The following MCTP1 variants were observed in gnomAD, a reference collection of about 807,000 sequenced individuals.
The protein encoded by MCTP1 is multiple C2 and transmembrane domain containing 1.
MCTP1 carries 69 observed loss-of-function variants against 120.6 expected under a neutral mutation model. The ratio of observed to expected loss-of-function variants is 0.57; its 90% CI spans 0.47 to 0.70. The LOEUF (loss-of-function observed/expected upper bound fraction) is 0.70. Ranked by LOEUF, MCTP1 falls within the 30% of genes least tolerant of loss-of-function variation. The pLI is 0.00. For synonymous variants in MCTP1, 529 were observed against 493.1 expected (o/e 1.07, Z -0.96); for missense variants, 1,203 against 1,248.8 (o/e 0.96, Z 0.55).
intron 1 of MCTP1, among the ~76,000 whole-genome samples, chr5:95,125,914 T>C (rs2152416322): frequency 6.6e-6 from 1 of 152,334 alleles, no homozygotes; most frequent in South Asian, 2.1e-4. Context: ...CTTCTTCAAC[T>C]TCTCTTCAAA....
chr5:95,176,872 AT>A (rs199555551), intron 1 of MCTP1, among the ~76,000 whole-genome samples: 22 of 148,590 alleles, frequency 1.5e-4, no homozygotes, highest in Admixed American at 6.1e-4. Flanking sequence ...ATATACCTAC[AT>A]TTTTTTTTTG....
chr5:95,223,933 T>C (rs754559879), intron 1 of MCTP1, among the ~76,000 whole-genome samples: 60 of 152,362 alleles, frequency 3.9e-4, no homozygotes, highest in African/African-American at 7.2e-4. Flanking sequence ...TCAGCTCAAA[T>C]AGAAACATTT....
At chr5:94,889,773 C>A (rs1043121303) in intron 11 of MCTP1, among the ~76,000 whole-genome samples, 3 of 151,714 alleles carry the variant, frequency 2.0e-5, no homozygotes, top group Non-Finnish European at 4.4e-5. Context: ...CACACACACA[C>A]ACACACACAC....
chr5:94,848,693 A>T (rs1212139803), intron 17 of MCTP1, among the ~76,000 whole-genome samples: 1 of 152,100 alleles, frequency 6.6e-6, no homozygotes. Context: ...TGCTGATGAC[A>T]TACAATTTCT....
intron 19 of MCTP1, 141 bp downstream of exon 19, chr5:94,778,969 T>G (rs889759837): frequency 1.9e-5 from 13 of 695,340 alleles, no homozygotes; most frequent in Middle Eastern, 2.4e-4. Context: ...CAACACGCAG[T>G]GGCATTGTTA....
chr5:94,921,672 T>C lies in MCTP1; in HGVS notation c.1272+2290A>G, dbSNP rs113975527. The stretch of plus-strand genomic sequence containing the variant: ...GTCAGTTAGTTACCAGAGTGACCTT[T>C]GAATGTGACTATGGAAGATAATACT... On this transcript the variant is annotated intron_variant, in intron 7 of 22. Transcript: ENST00000515393. Among the ~76,000 whole-genome samples the C allele has an allele frequency of 5.8e-3, 885 of 152,304 alleles. 7 individuals carry two copies. Among genetic ancestry groups the C allele is most frequent in the African/African-American group, 0.02 (833 of 41,548 alleles).
At chr5:95,259,246 A>G (rs1227292591) in intron 1 of MCTP1, among the ~76,000 whole-genome samples, 3 of 152,192 alleles carry the variant, frequency 2.0e-5, no homozygotes, top group African/African-American at 7.2e-5. Context: ...CAATGGGGCC[A>G]CAACAACAAC....
chr5:95,040,116 C>T (rs1033826382), intron 1 of MCTP1, among the ~76,000 whole-genome samples: 3 of 152,096 alleles, frequency 2.0e-5, no homozygotes, highest in Non-Finnish European at 4.4e-5. Context: ...TCCCCCCTGC[C>T]TGCTGAAATT....
At chr5:94,821,581 A>G (rs534855395) in intron 17 of MCTP1, among the ~76,000 whole-genome samples, 65 of 152,282 alleles carry the variant, frequency 4.3e-4, no homozygotes, top group Middle Eastern at 6.8e-3. Context: ...CATTACTTCC[A>G]TATTTTCCCA....
At position 94,796,347 on chromosome 5, in the gene MCTP1, C is replaced by T. The variant is rs1037440547; in HGVS notation, c.2556+2666G>A. On this transcript the variant is annotated intron_variant, in intron 18 of 22. Transcript: ENST00000515393. The stretch of plus-strand genomic sequence containing the variant: ...CTCTCTTTCCTAAAACAGAAAGTTT[C>T]CTGGTTTGGAATCAGCCAATGGTGT... Among the ~76,000 whole-genome samples the T allele has an allele frequency of 1.5e-4, 22 of 151,682 alleles. 1 individual carries two copies. Among genetic ancestry groups the T allele is most frequent in the Admixed American group, 1.1e-3 (16 of 15,216 alleles).
chr5:95,262,339 C>T, intron 1 of MCTP1, among the ~76,000 whole-genome samples: 1 of 152,142 alleles, frequency 6.6e-6, no homozygotes, highest in Non-Finnish European at 1.5e-5. Context: ...AAGCCAGCAC[C>T]TTCTACCCAT....
chr5:94,794,085 A>G (rs542694378), intron 18 of MCTP1, among the ~76,000 whole-genome samples: 1 of 152,350 alleles, frequency 6.6e-6, no homozygotes, highest in Non-Finnish European at 1.5e-5. Flanking sequence ...TTTGTGTCAC[A>G]GTCATATCAT....
At chr5:94,949,898 T>G (rs1170175878) in intron 3 of MCTP1, among the ~76,000 whole-genome samples, 2 of 152,080 alleles carry the variant, frequency 1.3e-5, no homozygotes, top group African/African-American at 4.8e-5. Flanking sequence ...CAGGCCTGCA[T>G]AGAGACAATA....
intron 1 of MCTP1, among the ~76,000 whole-genome samples, chr5:95,070,144 C>T (rs1017567307): frequency 2.6e-5 from 4 of 152,212 alleles, no homozygotes; most frequent in African/African-American, 9.7e-5. Flanking sequence ...GTGTTGTTAT[C>T]TAGGTTCTCT....
intron 1 of MCTP1, among the ~76,000 whole-genome samples, chr5:95,239,271 A>C (rs1044764628): frequency 1.3e-5 from 2 of 152,188 alleles, no homozygotes; most frequent in African/African-American, 4.8e-5. Flanking sequence ...GGGGTTTTCA[A>C]GTTCCTAAAC....
At chr5:94,885,494 A>G (rs1256096403) in intron 12 of MCTP1, among the ~76,000 whole-genome samples, 1 of 152,150 alleles carries the variant, frequency 6.6e-6, no homozygotes, top group Admixed American at 6.5e-5. Flanking sequence ...TGAGGCAAAA[A>G]TTAGGCCCTG....
At chr5:95,218,193 T>C (rs780025003) in intron 1 of MCTP1, among the ~76,000 whole-genome samples, 2 of 152,130 alleles carry the variant, frequency 1.3e-5, no homozygotes, top group Non-Finnish European at 2.9e-5. Flanking sequence ...AGAGCTGGGA[T>C]GAAAAGAATT....
chr5:94,947,577 T>TATAGAG lies in MCTP1; in HGVS notation c.982-5151_982-5150insCTCTAT. 9.5e-4 allele frequency among the ~76,000 whole-genome samples: 45 copies of TATAGAG among 47,376 alleles called. 1 individual carries two copies. The highest frequency in any genetic ancestry group is 6.3e-3 in the Admixed American group (25 of 3,942). The allele number at this position is 47,376 out of a possible 152,430, so 31.1% of individuals were successfully genotyped here. The stretch of plus-strand genomic sequence containing the variant: ...CTAAATATATATATATATATATATA[T>TATAGAG]AGAGAGAGAGAGAGAGAGAGAGAGA... On this transcript the variant is annotated intron_variant, in intron 3 of 22. Coordinates refer to ENST00000515393, the MANE Select transcript of MCTP1 (RefSeq NM_024717.7).
At chr5:94,943,074 A>G (rs1313394642) in intron 3 of MCTP1, among the ~76,000 whole-genome samples, 1 of 152,040 alleles carries the variant, frequency 6.6e-6, no homozygotes, top group Non-Finnish European at 1.5e-5. Context: ...TATTCACTCT[A>G]TGGTAAGTAA....
Sources: gnomAD v4.1 joint callset for allele counts (sites outside exome capture counted in the v4.1 genomes callset) on GRCh38, gnomAD v4.1.1 for gene constraint, MANE v1.5 for transcripts, NCBI Gene and HGNC (gene_info 2026-07-23, HGNC 2026-07-21) for gene names.